The following MTOR variants were observed in gnomAD, a reference collection of about 807,000 sequenced individuals.
MTOR encodes the protein serine/threonine-protein kinase mTOR.
A neutral mutation model predicts 319.8 loss-of-function variants in MTOR; 70 were observed. The ratio of observed to expected loss-of-function variants is 0.22; its 90% CI spans 0.18 to 0.27. The LOEUF (loss-of-function observed/expected upper bound fraction) is 0.27, where lower values mean the gene tolerates loss of function less well. Among genes scored for constraint, MTOR ranks in the 10% least tolerant of loss-of-function variants. MTOR has a pLI of 1.00. For missense variants in MTOR, 1,890 were observed against 3,274.4 expected, an observed-to-expected ratio of 0.58 and a Z score of 10.32; for synonymous variants, 1,183 against 1,211.4, an observed-to-expected ratio of 0.98 and a Z score of 0.49.
At chr1:11,249,834 G>A (rs1337298343) in intron 6 of MTOR, among the ~76,000 whole-genome samples, 31 of 150,272 alleles carry the variant, frequency 2.1e-4, no homozygotes, top group Admixed American at 6.0e-4. Flanking sequence ...ACACAGACAC[G>A]GCAACCATCC....
rs550487200 is a variant in MTOR, at chr1:11,113,875, AT to A, written c.7300+442del. Among the ~76,000 whole-genome samples the A allele has an allele frequency of 5.5e-3, 838 of 152,262 alleles. 7 individuals are homozygous for A. The highest frequency in any genetic ancestry group is 9.0e-3 in the Non-Finnish European group (611 of 68,018). ...TGTGGGAGGGACCTCATGGGAGGTG[AT>A]TAGATCATGGGGATGGTTCCTCCAT... is the stretch of plus-strand genomic sequence containing the variant. On this transcript the variant is annotated intron_variant, in intron 53 of 57. Transcript: ENST00000361445.
intron 2 of MTOR, 46 bp from the exon 3 acceptor site, chr1:11,258,639 CTG>C (rs1650731218): frequency 6.8e-7 from 1 of 1,460,966 alleles, no homozygotes; most frequent in African/African-American, 1.4e-5. Context: ...AATTCTCTAA[CTG>C]TGGTGGTGGG....
chr1:11,113,229 T>C (rs1452954325), intron 53 of MTOR, among the ~76,000 whole-genome samples: 1 of 152,120 alleles, frequency 6.6e-6, no homozygotes, highest in African/African-American at 2.4e-5. Flanking sequence ...GAACAAAGGG[T>C]AGATGAAGAT....
intron 30 of MTOR, among the ~76,000 whole-genome samples, chr1:11,153,966 G>C (rs1040561513): frequency 1.5e-4 from 23 of 149,370 alleles, no homozygotes; most frequent in African/African-American, 5.5e-4. Flanking sequence ...CTACTCAGGA[G>C]GCTGGGGCAG....
Position 11,212,670 on chromosome 1 carries a change from A to T in MTOR, c.3398+126T>A. ...ATTTCCATAAACCTGGGATATTTCTAGACTAAAATAATGTGAGTTGAAATA... is the reference window on the plus strand; with the variant it reads ...ATTTCCATAAACCTGGGATATTTCTTGACTAAAATAATGTGAGTTGAAATA... On this transcript the variant is annotated intron_variant, in intron 22 of 57. Transcript: ENST00000361445. The surrounding 1 kb of genome is among the most constrained non-coding windows in gnomAD (Gnocchi z 4.1). 9.2e-7 allele frequency: 1 copy of T among 1,083,314 alleles called. No homozygotes were observed. The highest frequency in any genetic ancestry group is 1.4e-6 in the Non-Finnish European group (1 of 736,800). The allele number at this position is 1,083,314 out of a possible 1,614,324, so 67.1% of individuals were successfully genotyped here.
intron 28 of MTOR, among the ~76,000 whole-genome samples, chr1:11,168,310 C>T (rs1644712580): frequency 6.6e-6 from 1 of 151,798 alleles, no homozygotes; most frequent in Admixed American, 6.6e-5. Context: ...TCCTGAGTAG[C>T]TGGGATTACA....
In MTOR at chr1:11,204,550, A is replaced by T. The variant is rs1467532362; in HGVS notation, c.3944+11T>A. On this transcript the variant is annotated intron_variant, in intron 26 of 57. Transcript: ENST00000361445. ...GTGCTGATCTTCTCCACCCGCCCTGACACACTATACCTGGCCATCGGGTTG... is the reference window on the plus strand; with the variant it reads ...GTGCTGATCTTCTCCACCCGCCCTGTCACACTATACCTGGCCATCGGGTTG... The T allele has an allele frequency of 6.2e-7, 1 of 1,609,202 alleles. No individual in the cohort carries two copies. The highest frequency in any genetic ancestry group is 8.5e-7 in the Non-Finnish European group (1 of 1,176,624).
chr1:11,199,768 C>A lies in MTOR; in HGVS notation c.3945-65G>T, dbSNP rs187254740. 220 of 1,565,752 alleles carry A rather than the reference C, an allele frequency of 1.4e-4. No individual in the cohort carries two copies. The Admixed American group carries it at 1.9e-3, about 13-fold the overall frequency. On this transcript the variant is annotated intron_variant, in intron 26 of 57. Coordinates refer to ENST00000361445, the MANE Select transcript of MTOR (RefSeq NM_004958.4). The surrounding 1 kb of genome is among the most constrained non-coding windows in gnomAD (Gnocchi z 4.5). ...GCCTCTGCCTGCTGCCTCAAAGTCA[C>A]ACCTATCAATTCGCTTTTGGCATCA...
At chr1:11,116,281 G>A (rs1000264226) in intron 50 of MTOR, among the ~76,000 whole-genome samples, 2 of 152,264 alleles carry the variant, frequency 1.3e-5, no homozygotes, top group South Asian at 2.1e-4. Context: ...ACTGACAAAT[G>A]TTTCTTGAAT....
At chr1:11,123,762 T>C (rs901927600) in intron 47 of MTOR, among the ~76,000 whole-genome samples, 18 of 151,250 alleles carry the variant, frequency 1.2e-4, no homozygotes, top group Middle Eastern at 3.2e-3. Context: ...CCACCATGCC[T>C]GGCCACTTAA....
rs186448706 is a variant in MTOR, at chr1:11,130,538, C to T, written c.5604G>A (p.Lys1868=). The T allele has an allele frequency of 1.5e-4, 242 of 1,612,890 alleles. 1 individual carries two copies. The East Asian group carries it at 4.1e-3, about 27-fold the overall frequency. Residue 1868 remains lysine (K), a synonymous_variant, in exon 39 of 58, where the codon AAG becomes AAA. Transcript: ENST00000361445. ...AAGAAGGGAAGGGTACCTCAGTGAC[C>T]TTCTTCTGCAGCGGCGATGGGGTGG... ...NSPTPSPLQK[K]VTEDLSKTLL...
rs185943363 is a variant in MTOR at position 11,258,261 on chromosome 1, T to C, written c.271+224A>G. On this transcript the variant is annotated intron_variant, in intron 3 of 57. Transcript: ENST00000361445. ...AAGAAAGCTGGCTTCTAGTCTCAGC[T>C]CTGGTAAACTGTCTGAAAAGTCACT... Among the ~76,000 whole-genome samples, 31 of 152,320 alleles carry C rather than the reference T, an allele frequency of 2.0e-4. No individual in the cohort carries two copies. In the East Asian group the frequency reaches 6.0e-3, roughly 29 times the overall value.
At chr1:11,174,757 C>T (rs1377438409) in intron 28 of MTOR, among the ~76,000 whole-genome samples, 4 of 152,200 alleles carry the variant, frequency 2.6e-5, no homozygotes, top group Admixed American at 1.3e-4. Context: ...TACGGGGCAG[C>T]TGGGAGTTTT....
At chr1:11,137,489 C>T (rs1643486265) in intron 36 of MTOR, among the ~76,000 whole-genome samples, 1 of 152,166 alleles carries the variant, frequency 6.6e-6, no homozygotes, top group East Asian at 1.9e-4. Flanking sequence ...TACAAGGCAA[C>T]TTATTTTCAA....
chr1:11,126,991 A>T lies in MTOR; in HGVS notation c.6351+19T>A, dbSNP rs754990910. ...GACTATAATGACAGTTAACCCTGCC[A>T]GGAGCCTGAAGATCCTACCTGAGGC... On this transcript the variant is annotated intron_variant, in intron 45 of 57. Transcript: ENST00000361445. 1.2e-6 allele frequency: 2 copies of T among 1,613,920 alleles called. No homozygotes were observed. The highest frequency in any genetic ancestry group is 4.5e-5 in the East Asian group (2 of 44,886).
intron 4 of MTOR, 97 bp downstream of exon 4, chr1:11,256,835 AG>A: frequency 8.4e-7 from 1 of 1,193,370 alleles, no homozygotes; most frequent in Middle Eastern, 2.3e-4. Flanking sequence ...TCTTCTAACC[AG>A]CTTTTTTAAG....
chr1:11,153,302 G>A (rs1644211203), intron 30 of MTOR, among the ~76,000 whole-genome samples: 1 of 152,216 alleles, frequency 6.6e-6, no homozygotes, highest in Admixed American at 6.5e-5. Context: ...ATGAATGTAG[G>A]ACTTGGAGAA....
chr1:11,127,974 C>A lies in MTOR; in HGVS notation c.6033+30G>T. The A allele has an allele frequency of 6.2e-7, 1 of 1,612,328 alleles. No individual in the cohort carries two copies. The highest frequency in any genetic ancestry group is 1.1e-5 in the South Asian group (1 of 90,872). On this transcript the variant is annotated intron_variant, in intron 43 of 57. Coordinates refer to ENST00000361445, the MANE Select transcript of MTOR (RefSeq NM_004958.4). The surrounding 1 kb of genome is among the most constrained non-coding windows in gnomAD (Gnocchi z 5.5). The stretch of plus-strand genomic sequence containing the variant: ...CGCCCACCAGCTAAGGGACCAGGGT[C>A]TATGAAGCCCCACAGTGGCTCCGAC...
Position 11,212,165 on chromosome 1 carries a change from T to C in MTOR, c.3561+147A>G. ...CTCACATAGGTTGCTCAATAAATGT[T>C]TGCTGAACACATGAAAAGAAAAAAA... On this transcript the variant is annotated intron_variant, in intron 23 of 57. Transcript: ENST00000361445. The surrounding 1 kb of genome is among the most constrained non-coding windows in gnomAD (Gnocchi z 4.1). The C allele has an allele frequency of 1.0e-6, 1 of 967,534 alleles. No homozygotes were observed. The highest frequency in any genetic ancestry group is 1.5e-6 in the Non-Finnish European group (1 of 660,664). The allele number at this position is 967,534 out of a possible 1,614,324, so 59.9% of individuals were successfully genotyped here.
Sources: gnomAD v4.1 joint callset for allele counts (sites outside exome capture counted in the v4.1 genomes callset) on GRCh38, gnomAD v4.1.1 for gene constraint, Gnocchi (gnomAD v3.1) non-coding constraint, MANE v1.5 for transcripts, NCBI Gene and HGNC (gene_info 2026-07-23, HGNC 2026-07-21) for gene names.